PABPC1: variants seen among roughly 807,000 people sequenced by gnomAD.
PABPC1 encodes the protein polyadenylate-binding protein 1.
Under a neutral mutation model 74.0 loss-of-function variants are expected in PABPC1, and 4 were observed. That is an observed-to-expected ratio of 0.05 (90% CI 0.03 to 0.12). PABPC1 has a LOEUF of 0.12. PABPC1 is among the 10% of genes least tolerant of loss of function. The probability of loss-of-function intolerance (pLI) is 1.00; values close to 1 mark genes in which losing one functional copy is unlikely to be tolerated. For synonymous variants in PABPC1, 227 were observed against 264.1 expected (o/e 0.86, Z 1.36); for missense variants, 271 against 821.1 (o/e 0.33, Z 8.19).
At chr8:100,705,107 C>T (rs537855932) in intron 12 of PABPC1, 51 bp from the exon 13 acceptor site, 7 of 1,530,090 alleles carry the variant, frequency 4.6e-6, no homozygotes, top group Admixed American at 3.6e-5. Flanking sequence ...AAGTTTTTAA[C>T]TGCATTGAAT....
Position 100,706,732 on chromosome 8 carries a change from G to A in PABPC1, c.1521C>T (p.Thr507=). Residue 507 remains threonine, a synonymous_variant, in exon 11 of 15, where the codon ACC becomes ACT. Coordinates refer to ENST00000318607, the MANE Select transcript of PABPC1 (RefSeq NM_002568.4). ...AAAAATPAVR[T]VPQYKYAAGV... ...CTGCAGCATATTTATACTGTGGAAC[G>A]GTGCGGACAGCAGGAGTAGCTGCAG... 7 of 1,614,146 alleles carry A rather than the reference G, an allele frequency of 4.3e-6. No individual in the cohort carries two copies. The highest frequency in any genetic ancestry group is 1.1e-5 in the South Asian group (1 of 91,082).
At chr8:100,706,088 A>C (rs1318153275) in intron 11 of PABPC1, among the ~76,000 whole-genome samples, 2 of 151,826 alleles carry the variant, frequency 1.3e-5, no homozygotes, top group Non-Finnish European at 2.9e-5. Context: ...CAAGTGATCC[A>C]CCTGCCTTGG....
At chr8:100,705,800 G>T in intron 11 of PABPC1, 127 bp from the exon 12 acceptor site, 1 of 680,666 alleles carries the variant, frequency 1.5e-6, no homozygotes, top group Non-Finnish European at 2.7e-6. Flanking sequence ...AGTTGAGTGA[G>T]CGAATTAGAA....
intron 6 of PABPC1, 87 bp downstream of exon 6, chr8:100,712,565 C>A: frequency 6.6e-7 from 1 of 1,520,664 alleles, no homozygotes; most frequent in Non-Finnish European, 8.9e-7. Flanking sequence ...CCTCTCAAAC[C>A]CTCCAGCTAC....
chr8:100,706,232 G>T (rs75727360), intron 11 of PABPC1, among the ~76,000 whole-genome samples: 1 of 152,132 alleles, frequency 6.6e-6, no homozygotes, highest in Non-Finnish European at 1.5e-5. Flanking sequence ...TTCCAAAAGC[G>T]TAAGACATTT....
rs1208079432 is a variant in PABPC1 at position 100,712,684 on chromosome 8, G to C, written c.844C>G (p.Gln282Glu). 1 of 1,599,944 alleles carries C rather than the reference G, an allele frequency of 6.3e-7. No homozygotes were observed. Among genetic ancestry groups the C allele is most frequent in the East Asian group, 2.3e-5 (1 of 43,306 alleles). Residue 282 changes from glutamine (Q) to glutamate (E), a missense_variant, in exon 6 of 15, where the codon CAG becomes GAG. Coordinates refer to ENST00000318607, the MANE Select transcript of PABPC1 (RefSeq NM_002568.4). Reference sequence around the variant, plus strand: ...CTGGTGATCCTATCTTGTTTCATCTGTTCAAATTTGCGCTTAAGTTCCGTC... The same window carrying C: ...CTGGTGATCCTATCTTGTTTCATCTCTTCAAATTTGCGCTTAAGTTCCGTC... ...RQTELKRKFE[Q>E]MKQDRITRYQ...
At chr8:100,715,361 GTC>G (rs1395466063) in intron 4 of PABPC1, 99 bp downstream of exon 4, 1 of 1,031,604 alleles carries the variant, frequency 9.7e-7, no homozygotes, top group African/African-American at 1.6e-5. Context: ...TACCATGTAA[GTC>G]TAATTTTATT....
chr8:100,715,688 T>A, intron 3 of PABPC1, 87 bp from the exon 4 acceptor site: 1 of 880,054 alleles, frequency 1.1e-6, no homozygotes, highest in Non-Finnish European at 1.7e-6. Flanking sequence ...TTGTTACTGT[T>A]AATGAGAATA....
chr8:100,714,961 T>A (rs1019798115), intron 4 of PABPC1, among the ~76,000 whole-genome samples: 1 of 152,190 alleles, frequency 6.6e-6, no homozygotes, highest in East Asian at 1.9e-4. Flanking sequence ...TTTGAATCAC[T>A]GGAAAATCTG....
At position 100,704,496 on chromosome 8, in the gene PABPC1, A is replaced by G. The variant is rs73697502; in HGVS notation, c.1819-106T>C. The G allele has an allele frequency of 0.013, 12,559 of 954,178 alleles. 942 individuals carry two copies. In the African/African-American group the frequency reaches 0.17, roughly 13 times the overall value. 59.1% of individuals were successfully genotyped at this position (954,178 alleles called of 1,614,324 possible). ...CAACAAAGATAAGTTTCTTCCCTCAAATGAAAGTATAAATTGTTACACTAA... is the reference window on the plus strand; with the variant it reads ...CAACAAAGATAAGTTTCTTCCCTCAGATGAAAGTATAAATTGTTACACTAA... On this transcript the variant is annotated intron_variant, in intron 13 of 14. Coordinates refer to ENST00000318607, the MANE Select transcript of PABPC1 (RefSeq NM_002568.4).
Position 100,702,927 on chromosome 8 carries a change from G to C in PABPC1, c.*434C>G, listed in dbSNP as rs1371637306. ...AAAGCAAATCCGTGCACTGTTTAAG[G>C]AATTTTTATTAAAGCAAGAATTTTA... On this transcript the variant is annotated 3_prime_UTR_variant, in exon 15 of 15. Transcript: ENST00000318607. 2.6e-5 allele frequency: 4 copies of C among 152,920 alleles called. No homozygotes were observed. Among genetic ancestry groups the C allele is most frequent in the Non-Finnish European group, 5.9e-5 (4 of 68,048 alleles). The allele number at this position is 152,920 out of a possible 1,614,324, so 9.5% of individuals were successfully genotyped here.
chr8:100,719,517 G>T (rs1454672976), intron 1 of PABPC1, among the ~76,000 whole-genome samples: 1 of 151,448 alleles, frequency 6.6e-6, no homozygotes, highest in Non-Finnish European at 1.5e-5. Context: ...TTTTAAAAAA[G>T]AACAAGAAAT....
rs533138685 is a variant in PABPC1 at position 100,712,953 on chromosome 8, A to T, written c.738+134T>A. On this transcript the variant is annotated intron_variant, in intron 5 of 14. Coordinates refer to ENST00000318607, the MANE Select transcript of PABPC1 (RefSeq NM_002568.4). ...ATATAGGTTACCAATTTATACTCTC[A>T]AACCTAATGCATAAAATGCAAATAA... The T allele has an allele frequency of 4.4e-5, 46 of 1,037,736 alleles. 1 individual carries two copies. The South Asian group carries it at 8.0e-4, about 18-fold the overall frequency. 64.3% of individuals were successfully genotyped at this position (1,037,736 alleles called of 1,614,324 possible).
rs2129747379 is a variant in PABPC1 at position 100,717,754 on chromosome 8, C to T, written c.503+19G>A. On this transcript the variant is annotated intron_variant, in intron 3 of 14. Transcript: ENST00000318607. ...AAAATAAGATTCAAAATATGATTAG[C>T]TAGATATTTATAACTTACACTTTGC... 1 of 1,324,294 alleles carries T rather than the reference C, an allele frequency of 7.6e-7. No homozygotes were observed. The highest frequency in any genetic ancestry group is 1.2e-5 in the South Asian group (1 of 82,098). The allele number at this position is 1,324,294 out of a possible 1,614,324, so 82.0% of individuals were successfully genotyped here.
rs959325678 is a variant in PABPC1 at position 100,721,004 on chromosome 8, G to A, written c.193+387C>T. 6.6e-6 allele frequency among the ~76,000 whole-genome samples: 1 copy of A among 152,080 alleles called. No individual in the cohort carries two copies. ...GCTGGGGCGCCGGCAGGAGCTCCGGGTGGTGGGAGCGCCTCCACCTCTTAC... is the reference window on the plus strand; with the variant it reads ...GCTGGGGCGCCGGCAGGAGCTCCGGATGGTGGGAGCGCCTCCACCTCTTAC... On this transcript the variant is annotated intron_variant, in intron 1 of 14. Transcript: ENST00000318607. The surrounding 1 kb of genome is among the most constrained non-coding windows in gnomAD (Gnocchi z 7.4).
chr8:100,713,641 A>G (rs563117657), intron 4 of PABPC1, among the ~76,000 whole-genome samples: 1 of 152,178 alleles, frequency 6.6e-6, no homozygotes, highest in South Asian at 2.1e-4. Context: ...TGGCCCACAT[A>G]CCACCATGCC....
Position 100,712,787 on chromosome 8 carries a change from A to G in PABPC1, c.741T>C (p.Ala247=). The part of the protein sequence containing the change: ...SFERHEDAQK[A]VDEMNGKELN... ...GCTCCTTTCCGTTCATCTCATCCAC[A>G]GCCTTCCCCCCAAAAAAAAAGAAAA... is the stretch of plus-strand genomic sequence containing the variant. The change falls in exon 6 of 15, where the codon GCT becomes GCC. Residue 247 remains alanine (A), a splice_region_variant and synonymous_variant. Coordinates refer to ENST00000318607, the MANE Select transcript of PABPC1 (RefSeq NM_002568.4). The G allele has an allele frequency of 6.4e-7, 1 of 1,557,266 alleles. No individual in the cohort carries two copies. The highest frequency in any genetic ancestry group is 8.6e-7 in the Non-Finnish European group (1 of 1,164,002).
Position 100,721,764 on chromosome 8 carries a change from T to G in PABPC1, c.-181A>C. 4.1e-6 allele frequency: 2 copies of G among 482,604 alleles called. No individual in the cohort carries two copies. Among genetic ancestry groups the G allele is most frequent in the Non-Finnish European group, 6.9e-6 (2 of 289,422 alleles). 29.9% of individuals were successfully genotyped at this position (482,604 alleles called of 1,614,324 possible). A position where few individuals can be genotyped will look rare whatever the true frequency, so the allele number is the denominator to read the frequency against. ...CAGAACGGGGTCGATCCACTGCCGC[T>G]GGCTGCCGGCTGCCGGCGGGGAGCG... On this transcript the variant is annotated 5_prime_UTR_variant, in exon 1 of 15. Coordinates refer to ENST00000318607, the MANE Select transcript of PABPC1 (RefSeq NM_002568.4). This position sits in a 1 kb window ranked among gnomAD's most constrained non-coding sequence, Gnocchi z 7.4.
chr8:100,709,087 ATT>A (rs1356585712), intron 9 of PABPC1, 44 bp downstream of exon 9: 8 of 1,415,860 alleles, frequency 5.7e-6, no homozygotes, highest in Non-Finnish European at 8.0e-6. Context: ...CCAATGTGTT[ATT>A]TTTAACTCAA....
Sources: gnomAD v4.1 joint callset for allele counts (sites outside exome capture counted in the v4.1 genomes callset) on GRCh38, gnomAD v4.1.1 for gene constraint, Gnocchi (gnomAD v3.1) non-coding constraint, MANE v1.5 for transcripts, NCBI Gene and HGNC (gene_info 2026-07-23, HGNC 2026-07-21) for gene names.